Variants in PCDHA5 observed in about 807,000 individuals in gnomAD.
The protein encoded by PCDHA5 is protocadherin alpha-5.
PCDHA5 carries 43 observed loss-of-function variants against 61.6 expected under a neutral mutation model. The ratio of observed to expected loss-of-function variants is 0.70; its 90% CI spans 0.55 to 0.90. The LOEUF (loss-of-function observed/expected upper bound fraction) is 0.90. PCDHA5 is among the 40% of genes least tolerant of loss of function. The probability of loss-of-function intolerance (pLI) is 0.00; values close to 1 mark genes in which losing one functional copy is unlikely to be tolerated. For missense variants in PCDHA5, 1,298 were observed against 1,222.7 expected, an observed-to-expected ratio of 1.06 and a Z score of -0.92; for synonymous variants, 627 against 543.9, an observed-to-expected ratio of 1.15 and a Z score of -2.13.
chr5:141,001,559 G>A (rs1277713814), intron 3 of PCDHA5, among the ~76,000 whole-genome samples: 1 of 152,190 alleles, frequency 6.6e-6, no homozygotes, highest in Non-Finnish European at 1.5e-5. Context: ...TTCAGACCAC[G>A]ATTCTCCTGT....
chr5:140,822,440 CAG>C lies in PCDHA5; in HGVS notation c.666_667del (p.Gly223TyrfsTer12), dbSNP rs2150116452. On this transcript the variant is annotated frameshift_variant, in exon 1 of 4. Coordinates refer to ENST00000529859, the MANE Select transcript of PCDHA5 (RefSeq NM_018908.3). LOFTEE classifies it high-confidence loss of function. ...ACTGATGGAGGAAAACCCGAACTAA[CAG>C]GTACAGTTCAGTTGTTGATCAATGT... 6.2e-7 allele frequency: 1 copy of C among 1,613,752 alleles called. No individual in the cohort carries two copies. Among genetic ancestry groups the C allele is most frequent in the Non-Finnish European group, 8.5e-7 (1 of 1,179,768 alleles).
At chr5:140,828,106 G>A in intron 1 of PCDHA5, 4 of 1,610,640 alleles carry the variant, frequency 2.5e-6, no homozygotes, top group Non-Finnish European at 3.4e-6. Context: ...TGTTTACCCC[G>A]GAGGATAGAT....
chr5:140,827,472 T>G (rs2150147765), intron 1 of PCDHA5, among the ~76,000 whole-genome samples: 59 of 152,234 alleles, frequency 3.9e-4, no homozygotes, highest in Non-Finnish European at 6.9e-4. Flanking sequence ...TGATATTTAT[T>G]GAACAAAGAA....
chr5:140,884,350 G>A, intron 1 of PCDHA5: 1 of 1,613,918 alleles, frequency 6.2e-7, no homozygotes, highest in South Asian at 1.1e-5. Flanking sequence ...CGGCGCTGGT[G>A]GATGTCAATG....
intron 3 of PCDHA5, among the ~76,000 whole-genome samples, chr5:140,992,758 G>T (rs1160312796): frequency 6.6e-6 from 1 of 152,182 alleles, no homozygotes; most frequent in Non-Finnish European, 1.5e-5. Flanking sequence ...CTGTGTTGGG[G>T]ATAGGAGGGT....
chr5:140,878,257 T>C (rs1266553954), intron 1 of PCDHA5, among the ~76,000 whole-genome samples: 10 of 152,206 alleles, frequency 6.6e-5, no homozygotes, highest in African/African-American at 2.4e-4. Flanking sequence ...CCTCACGTGC[T>C]TAGGCTTTTA....
chr5:140,838,115 TG>T (rs1554136890), intron 1 of PCDHA5, among the ~76,000 whole-genome samples: 5 of 149,894 alleles, frequency 3.3e-5, no homozygotes, highest in Non-Finnish European at 7.4e-5. Context: ...TGTGTGTGTG[TG>T]TGTGTGTGTG....
intron 1 of PCDHA5, among the ~76,000 whole-genome samples, chr5:140,941,150 G>A (rs894422349): frequency 1.1e-4 from 17 of 151,436 alleles, no homozygotes; most frequent in Non-Finnish European, 1.8e-4. Context: ...TAGTTTGGAG[G>A]CCCCATAAGA....
At position 140,823,168 on chromosome 5, in the gene PCDHA5, G is replaced by T. The variant is rs782693358; in HGVS notation, c.1393G>T (p.Glu465Ter). Reference sequence around the variant, plus strand: ...GCCCCAGTATACCGTGTTCGTGAAGGAGAACAACCCGCCAGGCTGCCACAT... The same window carrying T: ...GCCCCAGTATACCGTGTTCGTGAAGTAGAACAACCCGCCAGGCTGCCACAT... ...AQPQYTVFVKENNPPGCHIFT... is the reference protein window; with the variant it reads ...AQPQYTVFVK The change falls in exon 1 of 4, where the codon GAG becomes TAG. Residue 465 changes from glutamate (E) to a stop codon, truncating the protein, a stop_gained. Coordinates refer to ENST00000529859, the MANE Select transcript of PCDHA5 (RefSeq NM_018908.3). LOFTEE classifies it high-confidence loss of function. The T allele has an allele frequency of 6.2e-7, 1 of 1,613,838 alleles. No individual in the cohort carries two copies. The highest frequency in any genetic ancestry group is 1.3e-5 in the African/African-American group (1 of 74,928).
intron 1 of PCDHA5, among the ~76,000 whole-genome samples, chr5:140,918,479 G>T (rs895821639): frequency 1.3e-5 from 2 of 152,092 alleles, no homozygotes; most frequent in Non-Finnish European, 2.9e-5. Flanking sequence ...AGTCTCAAGG[G>T]GAATGCTTTG....
intron 1 of PCDHA5, chr5:140,877,313 C>T (rs2057018817): frequency 6.2e-7 from 1 of 1,613,836 alleles, no homozygotes; most frequent in Non-Finnish European, 8.5e-7. Flanking sequence ...TTGCAACCGG[C>T]GGCGGTCGGC....
At chr5:141,000,011 C>T (rs548995159) in intron 3 of PCDHA5, among the ~76,000 whole-genome samples, 1 of 152,166 alleles carries the variant, frequency 6.6e-6, no homozygotes, top group East Asian at 1.9e-4. Flanking sequence ...TTGGCCTCCC[C>T]ATTGCTAAGC....
chr5:140,877,776 C>A (rs2057336039), intron 1 of PCDHA5: 3 of 1,614,032 alleles, frequency 1.9e-6, no homozygotes, highest in South Asian at 1.1e-5. Context: ...CCAAGACGGA[C>A]CTCATGGCCT....
intron 1 of PCDHA5, among the ~76,000 whole-genome samples, chr5:140,839,987 G>A (rs187099249): frequency 6.6e-6 from 1 of 152,212 alleles, no homozygotes; most frequent in African/African-American, 2.4e-5. Context: ...TTGGAAAGTG[G>A]TTAGCCTTAG....
intron 1 of PCDHA5, chr5:140,882,984 C>T (rs2059393576): frequency 2.5e-6 from 4 of 1,614,178 alleles, no homozygotes; most frequent in Non-Finnish European, 2.5e-6. Flanking sequence ...AATGACAACG[C>T]CCCGGAATTT....
rs2150175882 is a variant in PCDHA5, at chr5:140,829,839, G to A, written c.2352+5712G>A. The A allele has an allele frequency of 1.2e-6, 2 of 1,613,930 alleles. No individual in the cohort carries two copies. The highest frequency in any genetic ancestry group is 1.3e-5 in the African/African-American group (1 of 75,056). ...GGTGCAGTGAGCGAGCTGGTGCCGC[G>A]GTCACTGGGTGCAGGCCAAGTGGTG... On this transcript the variant is annotated intron_variant, in intron 1 of 3. Transcript: ENST00000529859.
rs2150316102 is a variant in PCDHA5 at position 140,841,467 on chromosome 5, C to T, written c.2352+17340C>T. On this transcript the variant is annotated intron_variant, in intron 1 of 3. Coordinates refer to ENST00000529859, the MANE Select transcript of PCDHA5 (RefSeq NM_018908.3). Reference sequence around the variant, plus strand: ...CACGGCACCTTCGTGGGCCGGATCGCGCAGGACCTGGGGCTGGAGCTGGCG... The same window carrying T: ...CACGGCACCTTCGTGGGCCGGATCGTGCAGGACCTGGGGCTGGAGCTGGCG... The T allele has an allele frequency of 2.4e-5, 39 of 1,612,946 alleles. 1 individual carries two copies. In the South Asian group the frequency reaches 4.0e-4, roughly 16 times the overall value.
At chr5:140,828,480 C>T (rs2150155804) in intron 1 of PCDHA5, 2 of 1,614,198 alleles carry the variant, frequency 1.2e-6, no homozygotes, top group Non-Finnish European at 8.5e-7. Flanking sequence ...AACGACAACC[C>T]GCCCTTGTTC....
At chr5:140,997,740 C>T (rs568361121) in intron 3 of PCDHA5, among the ~76,000 whole-genome samples, 3 of 151,924 alleles carry the variant, frequency 2.0e-5, no homozygotes, top group African/African-American at 7.2e-5. Flanking sequence ...ATAGATTTGC[C>T]ACAATCTTCT....
Sources: gnomAD v4.1 joint callset for allele counts (sites outside exome capture counted in the v4.1 genomes callset) on GRCh38, gnomAD v4.1.1 for gene constraint, MANE v1.5 for transcripts, NCBI Gene and HGNC (gene_info 2026-07-23, HGNC 2026-07-21) for gene names.